Variants in CDK5RAP2 observed in about 807,000 individuals in gnomAD.
CDK5RAP2 encodes CDK5 regulatory subunit associated protein 2.
Under a neutral mutation model 232.9 loss-of-function variants are expected in CDK5RAP2, and 147 were observed. The ratio of observed to expected loss-of-function variants is 0.63; its 90% CI spans 0.55 to 0.72. CDK5RAP2 has a LOEUF of 0.72. Among genes scored for constraint, CDK5RAP2 ranks in the 30% least tolerant of loss-of-function variants. CDK5RAP2 has a pLI of 0.00. For missense variants in CDK5RAP2, 2,195 were observed against 2,231.5 expected, an observed-to-expected ratio of 0.98 and a Z score of 0.33; for synonymous variants, 833 against 833.7, an observed-to-expected ratio of 1.00 and a Z score of 0.01.
chr9:120,567,997 C>T (rs1053040621), intron 3 of CDK5RAP2, among the ~76,000 whole-genome samples: 2 of 152,196 alleles, frequency 1.3e-5, no homozygotes, highest in African/African-American at 4.8e-5. Flanking sequence ...CAAATGTTAG[C>T]TCCCCTCAAC....
At chr9:120,544,932 T>C (rs149816396) in intron 5 of CDK5RAP2, among the ~76,000 whole-genome samples, 1 of 152,246 alleles carries the variant, frequency 6.6e-6, no homozygotes, top group African/African-American at 2.4e-5. Context: ...GAAATACTTG[T>C]GTATTTCACA....
chr9:120,461,376 C>T lies in CDK5RAP2; in HGVS notation c.2107-709G>A, dbSNP rs1045505128. Among the ~76,000 whole-genome samples, 16 of 152,302 alleles carry T rather than the reference C, an allele frequency of 1.1e-4. 1 individual carries two copies. The highest frequency in any genetic ancestry group is 3.6e-4 in the African/African-American group (15 of 41,566). ...AAGCTTCTGAGTTCTACAAAATGGA[C>T]GGTACAAAGTTCTCAAGAAAGCCAG... On this transcript the variant is annotated intron_variant, in intron 18 of 37. Coordinates refer to ENST00000349780, the MANE Select transcript of CDK5RAP2 (RefSeq NM_018249.6).
At chr9:120,520,659 T>G (rs2040578216) in intron 11 of CDK5RAP2, among the ~76,000 whole-genome samples, 1 of 150,796 alleles carries the variant, frequency 6.6e-6, no homozygotes, top group African/African-American at 2.4e-5. Flanking sequence ...TATATATATA[T>G]CTCTCTCTCA....
At chr9:120,443,590 G>A (rs2036018817) in intron 23 of CDK5RAP2, 30 bp downstream of exon 23, 1 of 1,613,246 alleles carries the variant, frequency 6.2e-7, no homozygotes, top group Non-Finnish European at 8.5e-7. Flanking sequence ...CATGGAAGCT[G>A]TTCAATACAC....
chr9:120,512,304 G>A (rs373194847), intron 12 of CDK5RAP2, among the ~76,000 whole-genome samples: 4 of 152,154 alleles, frequency 2.6e-5, no homozygotes, highest in African/African-American at 7.2e-5. Flanking sequence ...AGCTAGGATC[G>A]TGCCACTACA....
intron 25 of CDK5RAP2, among the ~76,000 whole-genome samples, chr9:120,429,660 A>G (rs1254066317): frequency 1.3e-5 from 2 of 152,218 alleles, no homozygotes; most frequent in East Asian, 1.9e-4. Context: ...GGAAGAATCA[A>G]TATTGTGAAA....
intron 17 of CDK5RAP2, 25 bp from the exon 18 acceptor site, chr9:120,468,022 G>A: frequency 6.2e-7 from 1 of 1,613,140 alleles, no homozygotes; most frequent in Non-Finnish European, 8.5e-7. Flanking sequence ...CAGGGAAAAG[G>A]CTGTCTACCC....
rs1588241370 is a variant in CDK5RAP2 at position 120,403,727 on chromosome 9, T to G, written c.5041+309A>C. ...GTGACCCCTGTGTGGCTACACCAGG[T>G]TAAGGGATAAGGCTGGACGGACCCA... On this transcript the variant is annotated intron_variant, in intron 33 of 37. Coordinates refer to ENST00000349780, the MANE Select transcript of CDK5RAP2 (RefSeq NM_018249.6). The surrounding 1 kb of genome is among the most constrained non-coding windows in gnomAD (Gnocchi z 4.2). 2.3e-6 allele frequency: 1 copy of G among 438,274 alleles called. No homozygotes were observed. Among genetic ancestry groups the G allele is most frequent in the Non-Finnish European group, 4.2e-6 (1 of 235,794 alleles). The allele number at this position is 438,274 out of a possible 1,614,324, so 27.1% of individuals were successfully genotyped here.
Position 120,542,990 on chromosome 9 carries a change from T to C in CDK5RAP2, c.383+2724A>G, listed in dbSNP as rs185426593. Among the ~76,000 whole-genome samples, 109 of 152,258 alleles carry C rather than the reference T, an allele frequency of 7.2e-4. 1 individual carries two copies. The highest frequency in any genetic ancestry group is 2.7e-3 in the Admixed American group (42 of 15,302). ...GGGAGGAGGTCTGCTGGAGCAGAGT[T>C]AGAGCAGCAAAAGCAAGAACATTTT... On this transcript the variant is annotated intron_variant, in intron 5 of 37. Coordinates refer to ENST00000349780, the MANE Select transcript of CDK5RAP2 (RefSeq NM_018249.6).
intron 25 of CDK5RAP2, among the ~76,000 whole-genome samples, chr9:120,427,486 C>A (rs185870668): frequency 6.6e-6 from 1 of 152,136 alleles, no homozygotes; most frequent in Non-Finnish European, 1.5e-5. Flanking sequence ...GGGATCTGAA[C>A]TCCAGTCTGT....
At chr9:120,473,615 C>T (rs568072878) in intron 15 of CDK5RAP2, among the ~76,000 whole-genome samples, 52 of 152,300 alleles carry the variant, frequency 3.4e-4, no homozygotes, top group African/African-American at 1.2e-3. Context: ...GCAGTCTTCA[C>T]GCAAGGGAAA....
In CDK5RAP2 at chr9:120,403,664, T is replaced by C; in HGVS notation, c.5041+372A>G. 2.9e-6 allele frequency: 1 copy of C among 345,448 alleles called. No homozygotes were observed. Among genetic ancestry groups the C allele is most frequent in the East Asian group, 6.9e-5 (1 of 14,528 alleles). 21.4% of individuals were successfully genotyped at this position (345,448 alleles called of 1,614,324 possible). On this transcript the variant is annotated intron_variant, in intron 33 of 37. Coordinates refer to ENST00000349780, the MANE Select transcript of CDK5RAP2 (RefSeq NM_018249.6). This position sits in a 1 kb window ranked among gnomAD's most constrained non-coding sequence, Gnocchi z 4.2. ...GAGTGGGACAAAGGGGGTCTAAAAG[T>C]CACAGTGAGAGGAAAGTGTGGGCCT... is the stretch of plus-strand genomic sequence containing the variant.
Position 120,491,339 on chromosome 9 carries a change from C to A in CDK5RAP2, c.1450G>T (p.Glu484Ter). Residue 484 changes from glutamate (E) to a stop codon, truncating the protein, a stop_gained, in exon 13 of 38, where the codon GAA becomes TAA. Coordinates refer to ENST00000349780, the MANE Select transcript of CDK5RAP2 (RefSeq NM_018249.6). LOFTEE classifies it high-confidence loss of function. ...NQEQVIKHLT[E>*]STNQKDVLLQ... ...AACACGTCCTTCTGATTGGTACTTT[C>A]TGTTAGATGTTTGATCACTTGCTCT... The A allele has an allele frequency of 6.2e-7, 1 of 1,613,660 alleles. No individual in the cohort carries two copies. The highest frequency in any genetic ancestry group is 8.5e-7 in the Non-Finnish European group (1 of 1,179,726).
intron 15 of CDK5RAP2, among the ~76,000 whole-genome samples, chr9:120,476,064 G>A (rs1296581036): frequency 6.6e-6 from 1 of 152,112 alleles, no homozygotes; most frequent in Non-Finnish European, 1.5e-5. Flanking sequence ...GGAATAGAAG[G>A]GTAGGAAACA....
intron 4 of CDK5RAP2, 37 bp downstream of exon 4, chr9:120,550,755 G>T (rs368113638): frequency 1.8e-6 from 2 of 1,121,124 alleles, no homozygotes; most frequent in Non-Finnish European, 2.7e-6. Flanking sequence ...CAATGAGAAA[G>T]GACACAAGGG....
chr9:120,394,375 A>C (rs2032271959), intron 36 of CDK5RAP2, 137 bp downstream of exon 36: 2 of 1,344,420 alleles, frequency 1.5e-6, no homozygotes, highest in African/African-American at 2.9e-5. Flanking sequence ...GAAAGGATGG[A>C]GTATGAAAAG....
chr9:120,403,578 A>T lies in CDK5RAP2; in HGVS notation c.5041+458T>A. On this transcript the variant is annotated intron_variant, in intron 33 of 37. Coordinates refer to ENST00000349780, the MANE Select transcript of CDK5RAP2 (RefSeq NM_018249.6). This position sits in a 1 kb window ranked among gnomAD's most constrained non-coding sequence, Gnocchi z 4.2. ...TCTGACCAAGGACAGCAGCAAAGGC[A>T]TGTCACAGAGAAATGTGTATTCATG... is the stretch of plus-strand genomic sequence containing the variant. The T allele has an allele frequency of 3.6e-6, 1 of 280,186 alleles. No individual in the cohort carries two copies. The highest frequency in any genetic ancestry group is 5.0e-5 in the Admixed American group (1 of 20,078). The allele number at this position is 280,186 out of a possible 1,614,324, so 17.4% of individuals were successfully genotyped here. A position where few individuals can be genotyped will look rare whatever the true frequency, so the allele number is the denominator to read the frequency against.
At chr9:120,482,808 T>A (rs1004509117) in intron 14 of CDK5RAP2, among the ~76,000 whole-genome samples, 2 of 152,228 alleles carry the variant, frequency 1.3e-5, no homozygotes, top group African/African-American at 4.8e-5. Context: ...ATATTTTGCA[T>A]AATGGAAGTC....
At chr9:120,515,610 G>C (rs2040299103) in intron 12 of CDK5RAP2, among the ~76,000 whole-genome samples, 1 of 152,080 alleles carries the variant, frequency 6.6e-6, no homozygotes, top group Non-Finnish European at 1.5e-5. Flanking sequence ...GCTGGTGGCA[G>C]CATAAAATGG....
Sources: allele counts gnomAD v4.1 joint callset (sites outside exome capture counted in the v4.1 genomes callset), GRCh38; gene constraint gnomAD v4.1.1; non-coding constraint Gnocchi (gnomAD v3.1); transcripts MANE v1.5; gene names NCBI Gene and HGNC (gene_info 2026-07-23, HGNC 2026-07-21).